PCDH11X: variants seen among roughly 807,000 people sequenced by gnomAD.
PCDH11X encodes protocadherin 11 X-linked, also known as protocadherin-11 X-linked.
Under a neutral mutation model 53.3 loss-of-function variants are expected in PCDH11X, and 18 were observed. The ratio of observed to expected loss-of-function variants is 0.34; its 90% CI spans 0.23 to 0.50. The LOEUF is 0.50. Ranked by LOEUF, PCDH11X falls within the 20% of genes least tolerant of loss-of-function variation. The probability of loss-of-function intolerance (pLI) is 0.98; values close to 1 mark genes in which losing one functional copy is unlikely to be tolerated. For missense variants in PCDH11X, 570 were observed against 1,032.4 expected, an observed-to-expected ratio of 0.55 and a Z score of 6.14; for synonymous variants, 279 against 393.3, an observed-to-expected ratio of 0.71 and a Z score of 3.44.
chrX:92,312,052 G>T, intron 8 of PCDH11X, among the ~76,000 whole-genome samples: 2 of 111,366 alleles, frequency 1.8e-5, no homozygotes, highest in Non-Finnish European at 3.8e-5. Context: ...AATAAGCATT[G>T]TTAGATACAC....
intron 10 of PCDH11X, among the ~76,000 whole-genome samples, chrX:92,613,006 T>C (rs1245449978): frequency 2.7e-5 from 3 of 109,522 alleles, no homozygotes; most frequent in Non-Finnish European, 5.7e-5. Flanking sequence ...TGTTTATGCA[T>C]GTGTGTTGGG....
intron 8 of PCDH11X, among the ~76,000 whole-genome samples, chrX:92,276,848 C>A (rs1603249577): frequency 9.0e-6 from 1 of 111,435 alleles, no homozygotes; most frequent in African/African-American, 3.3e-5. Context: ...CCAAACGAGT[C>A]ATGAACTGGG....
rs1455112096 is a variant in PCDH11X, at chrX:92,124,771, T to C, written c.3034-76604T>C. ...TGTAAAACAATTAATATATTTGAAC[T>C]AAAATGCAGACCAGACAAAACATGT... On this transcript the variant is annotated intron_variant, in intron 6 of 10. Coordinates refer to ENST00000682573, the MANE Select transcript of PCDH11X (RefSeq NM_032968.5). Among the ~76,000 whole-genome samples the C allele has an allele frequency of 5.4e-5, 6 of 110,566 alleles. No homozygotes were observed. In the Admixed American group the frequency reaches 5.8e-4, roughly 11 times the overall value.
intron 8 of PCDH11X, among the ~76,000 whole-genome samples, chrX:92,285,772 G>A (rs1054649920): frequency 1.1e-4 from 12 of 111,517 alleles, no homozygotes; most frequent in African/African-American, 3.6e-4. Context: ...AGGAGTTAAA[G>A]ACGCACACAC....
rs749098535 is a variant in PCDH11X, at chrX:92,050,855, T to C, written c.3034-150520T>C. 2.2e-4 allele frequency among the ~76,000 whole-genome samples: 24 copies of C among 108,642 alleles called. No individual in the cohort carries two copies. The East Asian group carries it at 6.7e-3, about 30-fold the overall frequency. 94.3% of individuals were successfully genotyped at this position (108,642 alleles called of 115,157 possible). A position where few individuals can be genotyped will look rare whatever the true frequency, so the allele number is the denominator to read the frequency against. ...GTTCTGATTGCACTGGAACCCCATG[T>C]AGCTCCAAGTTGGACAAAGTCAGCT... On this transcript the variant is annotated intron_variant, in intron 6 of 10. Coordinates refer to ENST00000682573, the MANE Select transcript of PCDH11X (RefSeq NM_032968.5).
intron 6 of PCDH11X, among the ~76,000 whole-genome samples, chrX:91,895,763 A>G (rs1187445344): frequency 9.3e-6 from 1 of 107,631 alleles, no homozygotes; most frequent in Non-Finnish European, 1.9e-5. Context: ...TTATATATGT[A>G]TATATTTATG....
At chrX:92,392,204 C>T (rs193213334) in intron 9 of PCDH11X, among the ~76,000 whole-genome samples, 2 of 110,687 alleles carry the variant, frequency 1.8e-5, no homozygotes, top group Admixed American at 1.9e-4. Flanking sequence ...TTTTGTATAC[C>T]ATAGTCATTT....
At chrX:92,351,118 T>G (rs1031258705) in intron 8 of PCDH11X, among the ~76,000 whole-genome samples, 6 of 112,130 alleles carry the variant, frequency 5.4e-5, no homozygotes, top group African/African-American at 1.9e-4. Context: ...CACGGGTCAA[T>G]TGTTCTTCAG....
intron 6 of PCDH11X, among the ~76,000 whole-genome samples, chrX:91,910,055 A>G (rs1941321111): frequency 1.8e-5 from 2 of 111,333 alleles, no homozygotes; most frequent in African/African-American, 6.5e-5. Context: ...AGGCTTGCTG[A>G]GGGTCATTGT....
At chrX:92,246,392 G>A (rs1407342893) in intron 7 of PCDH11X, among the ~76,000 whole-genome samples, 2 of 110,532 alleles carry the variant, frequency 1.8e-5, no homozygotes, top group Admixed American at 9.6e-5. Context: ...TCACTCTATC[G>A]CCCAGGCTGG....
chrX:92,615,710 A>G (rs866746278), intron 10 of PCDH11X, among the ~76,000 whole-genome samples: 12 of 110,472 alleles, frequency 1.1e-4, no homozygotes, highest in African/African-American at 3.6e-4. Context: ...TCCTGCTGTC[A>G]GTCCTTGGCC....
intron 7 of PCDH11X, among the ~76,000 whole-genome samples, chrX:92,236,844 A>G (rs2067180131): frequency 8.9e-6 from 1 of 112,090 alleles, no homozygotes. Context: ...AAATACTCTT[A>G]GAAATTGTCC....
chrX:91,995,222 A>AC, intron 6 of PCDH11X, among the ~76,000 whole-genome samples: 1 of 107,495 alleles, frequency 9.3e-6, no homozygotes, highest in East Asian at 2.8e-4. Flanking sequence ...CGTTAAAAAA[A>AC]AAAAAACAAA....
chrX:92,257,774 G>C (rs1336040581), intron 7 of PCDH11X, among the ~76,000 whole-genome samples: 1 of 112,611 alleles, frequency 8.9e-6, no homozygotes, highest in African/African-American at 3.2e-5. Flanking sequence ...CTGCCCCTGT[G>C]GCTTTGCAGG....
intron 8 of PCDH11X, among the ~76,000 whole-genome samples, chrX:92,350,330 T>C (rs1427510120): frequency 9.1e-6 from 1 of 110,133 alleles, no homozygotes; most frequent in East Asian, 2.9e-4. Flanking sequence ...CTAGAATTGC[T>C]TTTCTGGTTC....
At chrX:91,998,899 A>C (rs191342969) in intron 6 of PCDH11X, among the ~76,000 whole-genome samples, 1,218 of 106,449 alleles carry the variant, frequency 0.011, 20 homozygotes, top group African/African-American at 0.039. Flanking sequence ...TTTTCCTTTT[A>C]TTTTATTTTA....
chrX:92,550,224 C>T (rs1247050681), intron 10 of PCDH11X, among the ~76,000 whole-genome samples: 1 of 109,820 alleles, frequency 9.1e-6, no homozygotes, highest in East Asian at 2.9e-4. Context: ...GGTTATTTCA[C>T]TTAGTATAAT....
chrX:92,054,619 G>A (rs878877065), intron 6 of PCDH11X, among the ~76,000 whole-genome samples: 2 of 110,229 alleles, frequency 1.8e-5, no homozygotes, highest in East Asian at 2.9e-4. Context: ...TCGGGAGTTC[G>A]AGGCCAGCCT....
chrX:92,396,987 T>G (rs1743841660), intron 9 of PCDH11X, among the ~76,000 whole-genome samples: 1 of 37,718 alleles, frequency 2.7e-5, no homozygotes, highest in African/African-American at 1.1e-4. Context: ...CTCAATCCAT[T>G]AAGTTATATG....
Sources: gnomAD v4.1 joint callset for allele counts (sites outside exome capture counted in the v4.1 genomes callset) on GRCh38, gnomAD v4.1.1 for gene constraint, MANE v1.5 for transcripts, NCBI Gene and HGNC (gene_info 2026-07-23, HGNC 2026-07-21) for gene names.